The following CREB5 variants were observed in gnomAD, a reference collection of about 807,000 sequenced individuals.
CREB5 encodes cyclic AMP-responsive element-binding protein 5.
A neutral mutation model predicts 57.1 loss-of-function variants in CREB5; 19 were observed. The observed-to-expected ratio is 0.33, with a 90% CI of 0.23 to 0.49. The LOEUF (loss-of-function observed/expected upper bound fraction) is 0.49. Ranked by LOEUF, CREB5 falls within the 20% of genes least tolerant of loss-of-function variation. The pLI is 0.99. For synonymous variants in CREB5, 238 were observed against 238.3 expected (o/e 1.00, Z 0.01); for missense variants, 579 against 671.6 (o/e 0.86, Z 1.52).
chr7:28,792,646 G>A (rs933258414), intron 7 of CREB5, among the ~76,000 whole-genome samples: 4 of 152,218 alleles, frequency 2.6e-5, no homozygotes, highest in Non-Finnish European at 4.4e-5. Context: ...ATGTAGACAT[G>A]CAGGGGAAAG....
At chr7:28,336,283 T>C (rs1254937949) in intron 1 of CREB5, among the ~76,000 whole-genome samples, 1 of 152,158 alleles carries the variant, frequency 6.6e-6, no homozygotes, top group Non-Finnish European at 1.5e-5. Flanking sequence ...TTTAGACTTC[T>C]GTAAATGTTT....
chr7:28,660,518 A>T (rs1339502331), intron 5 of CREB5, among the ~76,000 whole-genome samples: 1 of 151,990 alleles, frequency 6.6e-6, no homozygotes, highest in Non-Finnish European at 1.5e-5. Flanking sequence ...GTGGAGAAAA[A>T]TAATCACTCA....
intron 1 of CREB5, among the ~76,000 whole-genome samples, chr7:28,413,656 A>G (rs1476392090): frequency 6.6e-6 from 1 of 152,182 alleles, no homozygotes. Flanking sequence ...GACCTTATAT[A>G]GTTGATACCT....
chr7:28,416,384 A>G (rs1336633058), intron 1 of CREB5, among the ~76,000 whole-genome samples: 1 of 152,234 alleles, frequency 6.6e-6, no homozygotes, highest in African/African-American at 2.4e-5. Context: ...TTAGCTGACT[A>G]TTAGAAGAAA....
At chr7:28,776,394 C>A (rs1277893061) in intron 7 of CREB5, among the ~76,000 whole-genome samples, 1 of 151,374 alleles carries the variant, frequency 6.6e-6, no homozygotes, top group Non-Finnish European at 1.5e-5. Flanking sequence ...CAATCATTCT[C>A]ACCCATTATA....
At chr7:28,352,889 G>A (rs1043383187) in intron 1 of CREB5, among the ~76,000 whole-genome samples, 7 of 152,142 alleles carry the variant, frequency 4.6e-5, no homozygotes, top group African/African-American at 1.7e-4. Context: ...GAAAGCTAGG[G>A]TTTGAACCAA....
At chr7:28,696,193 A>G (rs960467365) in intron 5 of CREB5, among the ~76,000 whole-genome samples, 1 of 151,188 alleles carries the variant, frequency 6.6e-6, no homozygotes. Context: ...GAGATGAACT[A>G]TTGTGCCTCC....
At chr7:28,428,180 G>T (rs1490886026) in intron 1 of CREB5, among the ~76,000 whole-genome samples, 3 of 152,182 alleles carry the variant, frequency 2.0e-5, no homozygotes, top group Non-Finnish European at 4.4e-5. Flanking sequence ...CTGCTGTTTT[G>T]GATGGTGTGC....
chr7:28,323,654 C>A (rs1028627679), intron 1 of CREB5, among the ~76,000 whole-genome samples: 2 of 152,160 alleles, frequency 1.3e-5, no homozygotes, highest in Non-Finnish European at 2.9e-5. Context: ...GAACCCCAGC[C>A]TTTTGGCACC....
intron 1 of CREB5, among the ~76,000 whole-genome samples, chr7:28,391,495 A>G (rs1165012376): frequency 1.3e-5 from 2 of 152,266 alleles, no homozygotes; most frequent in African/African-American, 2.4e-5. Flanking sequence ...ATGCTTTCCA[A>G]TATAATTACA....
chr7:28,551,937 TTC>T (rs1442743671), intron 4 of CREB5, among the ~76,000 whole-genome samples: 7 of 146,208 alleles, frequency 4.8e-5, no homozygotes, highest in South Asian at 2.1e-4. Context: ...TCTTTCTTTT[TTC>T]TCTCTTTTTT....
At chr7:28,787,156 C>T (rs1807378468) in intron 7 of CREB5, among the ~76,000 whole-genome samples, 1 of 152,144 alleles carries the variant, frequency 6.6e-6, no homozygotes, top group Non-Finnish European at 1.5e-5. Flanking sequence ...GAGACATCTG[C>T]CTGTGGGTTT....
chr7:28,417,353 C>CTCT (rs1554316655), intron 1 of CREB5, among the ~76,000 whole-genome samples: 3 of 145,030 alleles, frequency 2.1e-5, no homozygotes, highest in East Asian at 2.0e-4. Context: ...CTTTCTCTCT[C>CTCT]TTTTTTTTTT....
At chr7:28,466,915 C>A (rs777043213) in intron 1 of CREB5, among the ~76,000 whole-genome samples, 3 of 152,226 alleles carry the variant, frequency 2.0e-5, no homozygotes, top group African/African-American at 4.8e-5. Flanking sequence ...AGATGGCACA[C>A]TTGAAGGGGT....
intron 7 of CREB5, among the ~76,000 whole-genome samples, chr7:28,739,132 A>G (rs1804198268): frequency 6.6e-6 from 1 of 152,252 alleles, no homozygotes; most frequent in African/African-American, 2.4e-5. Context: ...GTGGTTCTTC[A>G]GCAAGACTTC....
intron 7 of CREB5, among the ~76,000 whole-genome samples, chr7:28,781,737 TATCA>T (rs1806984198): frequency 6.6e-6 from 1 of 151,806 alleles, no homozygotes; most frequent in African/African-American, 2.4e-5. Flanking sequence ...TGAAATTCCC[TATCA>T]ATCAAATAGT....
chr7:28,356,213 C>T (rs1353528290), intron 1 of CREB5, among the ~76,000 whole-genome samples: 1 of 152,216 alleles, frequency 6.6e-6, no homozygotes, highest in Admixed American at 6.5e-5. Context: ...GAGTCATTTT[C>T]TACTCTCCGA....
chr7:28,610,569 G>T (rs1009383825), intron 5 of CREB5, among the ~76,000 whole-genome samples: 1 of 152,154 alleles, frequency 6.6e-6, no homozygotes, highest in Non-Finnish European at 1.5e-5. Context: ...GCATTGACAG[G>T]CTTCCCGAAG....
chr7:28,821,489 G>T lies in CREB5; in HGVS notation c.*2210G>T, dbSNP rs1290309805. 6.7e-6 allele frequency: 1 copy of T among 149,734 alleles called. No homozygotes were observed. The highest frequency in any genetic ancestry group is 1.5e-5 in the Non-Finnish European group (1 of 67,486). The allele number at this position is 149,734 out of a possible 1,614,324, so 9.3% of individuals were successfully genotyped here. On this transcript the variant is annotated 3_prime_UTR_variant, in exon 11 of 11. Coordinates refer to ENST00000357727, the MANE Select transcript of CREB5 (RefSeq NM_182898.4). The stretch of plus-strand genomic sequence containing the variant: ...AAAAAAAAAGCAAAAAAAGAAAAGA[G>T]AAAAAAAGAAAAAATGCAAATGGAA...
Sources: gnomAD v4.1 joint callset for allele counts (sites outside exome capture counted in the v4.1 genomes callset) on GRCh38, gnomAD v4.1.1 for gene constraint, MANE v1.5 for transcripts, NCBI Gene and HGNC (gene_info 2026-07-23, HGNC 2026-07-21) for gene names.